Variants in PHC2 observed in about 807,000 individuals in gnomAD.
PHC2 encodes the protein polyhomeotic-like protein 2.
A neutral mutation model predicts 87.4 loss-of-function variants in PHC2; 29 were observed. The ratio of observed to expected loss-of-function variants is 0.33; its 90% CI spans 0.25 to 0.45. The LOEUF (loss-of-function observed/expected upper bound fraction) is 0.45, where lower values mean the gene tolerates loss of function less well. Among genes scored for constraint, PHC2 ranks in the 20% least tolerant of loss-of-function variants. PHC2 has a pLI of 1.00. For missense variants in PHC2, 857 were observed against 1,136.7 expected, an observed-to-expected ratio of 0.75 and a Z score of 3.54; for synonymous variants, 438 against 461.7, an observed-to-expected ratio of 0.95 and a Z score of 0.66.
At chr1:33,412,946 GT>G (rs67654953) in intron 1 of PHC2, among the ~76,000 whole-genome samples, 20,923 of 150,190 alleles carry the variant, frequency 0.14, 2,529 homozygotes, top group African/African-American at 0.33. Context: ...ATATGGACTT[GT>G]TTTTTTTTTG....
intron 9 of PHC2, among the ~76,000 whole-genome samples, chr1:33,339,781 G>A (rs549347037): frequency 1.8e-4 from 28 of 152,330 alleles, no homozygotes; most frequent in Admixed American, 1.7e-3. Flanking sequence ...CAAAATGCCT[G>A]GGACCAGAAG....
intron 9 of PHC2, among the ~76,000 whole-genome samples, chr1:33,339,786 C>T (rs901335735): frequency 2.6e-5 from 4 of 152,198 alleles, no homozygotes; most frequent in African/African-American, 9.7e-5. Context: ...TGCCTGGGAC[C>T]AGAAGTGTTT....
intron 1 of PHC2, among the ~76,000 whole-genome samples, chr1:33,415,512 G>A (rs943561771): frequency 6.6e-6 from 1 of 151,972 alleles, no homozygotes; most frequent in African/African-American, 2.4e-5. Flanking sequence ...AGTAATCCTA[G>A]GTAACATAAC....
intron 9 of PHC2, among the ~76,000 whole-genome samples, chr1:33,340,925 A>T (rs1279883648): frequency 2.1e-5 from 1 of 48,726 alleles, no homozygotes; most frequent in Non-Finnish European, 4.3e-5. Flanking sequence ...GGGGTGGGGG[A>T]GGGGGTGGGT....
chr1:33,379,502 A>AC (rs1180983189), intron 1 of PHC2, among the ~76,000 whole-genome samples: 1 of 60,652 alleles, frequency 1.6e-5, no homozygotes, highest in Non-Finnish European at 3.1e-5. Context: ...TCCCACTACC[A>AC]CCCCCAACCA....
intron 1 of PHC2, among the ~76,000 whole-genome samples, chr1:33,379,461 A>C (rs1171463513): frequency 6.2e-5 from 1 of 16,078 alleles, no homozygotes; most frequent in Non-Finnish European, 1.2e-4. Flanking sequence ...CCCGCCCCCC[A>C]CCATCCCCCC....
chr1:33,422,341 T>A (rs909015228), intron 1 of PHC2, among the ~76,000 whole-genome samples: 11 of 152,078 alleles, frequency 7.2e-5, no homozygotes, highest in African/African-American at 2.7e-4. Context: ...GCTGCTAGAG[T>A]GAGGTATAGA....
rs541530782 is a variant in PHC2 at position 33,327,176 on chromosome 1, G to A, written c.2425+1694C>T. 8.9e-4 allele frequency among the ~76,000 whole-genome samples: 135 copies of A among 152,250 alleles called. 2 individuals are homozygous for A. The highest frequency in any genetic ancestry group is 2.9e-3 in the South Asian group (14 of 4,826). On this transcript the variant is annotated intron_variant, in intron 14 of 14. Coordinates refer to ENST00000683057, the MANE Select transcript of PHC2 (RefSeq NM_001385109.1). ...TGGAATGGATCAGCGACTCTTGTAC[G>A]CTCCCTGTTTCTCCCTTTTTGGATG...
chr1:33,427,633 T>C (rs1265053188), intron 1 of PHC2, among the ~76,000 whole-genome samples: 2 of 152,166 alleles, frequency 1.3e-5, no homozygotes, highest in Non-Finnish European at 2.9e-5. Flanking sequence ...TGACCTTCTG[T>C]TTACTAAGTA....
At chr1:33,347,424 T>C in intron 9 of PHC2, 2 of 984,922 alleles carry the variant, frequency 2.0e-6, no homozygotes, top group Non-Finnish European at 2.4e-6. Flanking sequence ...GTAAATAATA[T>C]ATATGGAGTG....
intron 1 of PHC2, among the ~76,000 whole-genome samples, chr1:33,380,111 TTTC>T (rs1475272181): frequency 2.6e-5 from 4 of 152,238 alleles, no homozygotes. Flanking sequence ...TGTGGCTGTC[TTTC>T]AAGTGTGCTC....
chr1:33,385,898 G>C (rs1648720947), intron 1 of PHC2, among the ~76,000 whole-genome samples: 1 of 151,552 alleles, frequency 6.6e-6, no homozygotes, highest in South Asian at 2.1e-4. Context: ...CCAGGTTCAT[G>C]CAATTCTCCT....
At chr1:33,383,396 T>C (rs1410042636) in intron 1 of PHC2, among the ~76,000 whole-genome samples, 2 of 152,234 alleles carry the variant, frequency 1.3e-5, no homozygotes, top group Non-Finnish European at 2.9e-5. Flanking sequence ...GAATTAAAGC[T>C]GGTCATATAG....
At chr1:33,372,187 A>G (rs1206605860) in intron 3 of PHC2, 102 bp downstream of exon 3, 1 of 1,181,028 alleles carries the variant, frequency 8.5e-7, no homozygotes, top group Non-Finnish European at 1.2e-6. Context: ...GTTGCAGGTA[A>G]GAGAAGGATG....
chr1:33,377,284 C>T (rs368345532), intron 1 of PHC2, among the ~76,000 whole-genome samples: 141 of 152,338 alleles, frequency 9.3e-4, no homozygotes, highest in South Asian at 1.9e-3. Flanking sequence ...TAAGCACTGG[C>T]TCTTGTGGCC....
intron 14 of PHC2, chr1:33,325,889 CGTGA>C (rs1205429163): frequency 8.8e-6 from 4 of 456,464 alleles, no homozygotes; most frequent in Non-Finnish European, 1.8e-5. Context: ...CTGTGGAAAG[CGTGA>C]GTGTCTAAGG....
At chr1:33,346,887 C>G (rs1256624478) in intron 9 of PHC2, 1 of 985,308 alleles carries the variant, frequency 1.0e-6, no homozygotes, top group African/African-American at 1.7e-5. Flanking sequence ...GTTCCTAATT[C>G]TGAGACAATA....
intron 7 of PHC2, among the ~76,000 whole-genome samples, chr1:33,356,281 A>G (rs1175938372): frequency 2.4e-4 from 33 of 136,410 alleles, no homozygotes; most frequent in African/African-American, 8.8e-4. Flanking sequence ...ATATATGTAT[A>G]TATATATATA....
intron 9 of PHC2, among the ~76,000 whole-genome samples, chr1:33,352,857 C>T (rs1224986762): frequency 3.3e-5 from 5 of 152,082 alleles, no homozygotes. Flanking sequence ...AGCCGCGGGA[C>T]CTGGAGCCCC....
Sources: allele counts gnomAD v4.1 joint callset (sites outside exome capture counted in the v4.1 genomes callset), GRCh38; gene constraint gnomAD v4.1.1; transcripts MANE v1.5; gene names NCBI Gene and HGNC (gene_info 2026-07-23, HGNC 2026-07-21).